FBXW12: variants seen among roughly 807,000 people sequenced by gnomAD.
FBXW12 encodes F-box and WD repeat domain containing 12, also known as F-box/WD repeat-containing protein 12.
In FBXW12, 43 loss-of-function variants were observed where a neutral mutation model predicts 55.3. The observed-to-expected ratio is 0.78, with a 90% CI of 0.61 to 1.00. FBXW12 has a LOEUF of 1.00. Ranked by LOEUF, FBXW12 falls within the 50% of genes least tolerant of loss-of-function variation. The probability of loss-of-function intolerance (pLI) is 0.00; values close to 1 mark genes in which losing one functional copy is unlikely to be tolerated. For synonymous variants in FBXW12, 184 were observed against 203.8 expected (o/e 0.90, Z 0.83); for missense variants, 524 against 560.5 (o/e 0.93, Z 0.66).
chr3:48,375,697 C>CT (rs1195999111), intron 5 of FBXW12, among the ~76,000 whole-genome samples: 7 of 152,170 alleles, frequency 4.6e-5, no homozygotes, highest in African/African-American at 1.7e-4. Context: ...TTTTTTGAGA[C>CT]TGAGTCTCGC....
chr3:48,382,003 A>G lies in FBXW12; in HGVS notation c.1213A>G (p.Met405Val), dbSNP rs754706192. The G allele has an allele frequency of 3.1e-6, 5 of 1,614,064 alleles. No homozygotes were observed. The highest frequency in any genetic ancestry group is 1.1e-5 in the South Asian group (1 of 91,086). Residue 405 changes from methionine (M) to valine (V), a missense_variant, in exon 10 of 11, where the codon ATG (methionine) becomes GTG (valine). Coordinates refer to ENST00000296438, the MANE Select transcript of FBXW12 (RefSeq NM_207102.2). ...TTSENSVHVY[M>V]WEEGGRHPYL... ...ATCCGAGAACTCTGTGCACGTGTAC[A>G]TGTGGGAAGAAGGAGGCCGCCATCC... is the stretch of plus-strand genomic sequence containing the variant.
intron 10 of FBXW12, among the ~76,000 whole-genome samples, chr3:48,393,377 G>C (rs2036959133): frequency 6.6e-6 from 1 of 152,186 alleles, no homozygotes; most frequent in African/African-American, 2.4e-5. Context: ...GGGCCTGGTG[G>C]GGAGGGGGAG....
intron 10 of FBXW12, among the ~76,000 whole-genome samples, chr3:48,386,044 G>A (rs967713219): frequency 4.6e-5 from 7 of 151,932 alleles, no homozygotes; most frequent in African/African-American, 1.7e-4. Context: ...TGCTTTTGTT[G>A]CCTGTGCATT....
intron 5 of FBXW12, 36 bp downstream of exon 5, chr3:48,375,508 A>G (rs761117303): frequency 1.7e-6 from 2 of 1,210,526 alleles, no homozygotes; most frequent in Non-Finnish European, 1.2e-6. Context: ...AGTACTGCAT[A>G]TTTGCATCCA....
chr3:48,387,382 G>A (rs1178884974), intron 10 of FBXW12, among the ~76,000 whole-genome samples: 3 of 150,334 alleles, frequency 2.0e-5, no homozygotes, highest in African/African-American at 7.3e-5. Flanking sequence ...TTTTTGGTCA[G>A]CCTTACTAGA....
In FBXW12 at chr3:48,379,484, AT is replaced by A; in HGVS notation, c.702del (p.Ile234MetfsTer33). On this transcript the variant is annotated frameshift_variant, in exon 7 of 11. Coordinates refer to ENST00000296438, the MANE Select transcript of FBXW12 (RefSeq NM_207102.2). LOFTEE classifies it high-confidence loss of function. ...VSKVTAFQYG[I>X]VLLHCSPDKK... Reference sequence around the variant, plus strand: ...TAAAGTTACTGCATTTCAATATGGTATTGTACTTCTACACTGCTCTCCTGAC... The same window carrying A: ...TAAAGTTACTGCATTTCAATATGGTATGTACTTCTACACTGCTCTCCTGAC... 6.2e-7 allele frequency: 1 copy of A among 1,613,926 alleles called. No homozygotes were observed. The highest frequency in any genetic ancestry group is 1.1e-5 in the South Asian group (1 of 91,088).
chr3:48,390,796 A>T (rs1575364508), intron 10 of FBXW12, among the ~76,000 whole-genome samples: 1 of 151,938 alleles, frequency 6.6e-6, no homozygotes, highest in Non-Finnish European at 1.5e-5. Context: ...TAGGTAACTT[A>T]TTTTGTGGGG....
chr3:48,390,406 C>CTTT lies in FBXW12; in HGVS notation c.1296-4130_1296-4128dup, dbSNP rs71625870. Among the ~76,000 whole-genome samples, 46 of 57,946 alleles carry CTTT rather than the reference C, an allele frequency of 7.9e-4. 3 individuals are homozygous for CTTT. Among genetic ancestry groups the CTTT allele is most frequent in the African/African-American group, 2.7e-3 (36 of 13,198 alleles). 38.0% of individuals were successfully genotyped at this position (57,946 alleles called of 152,430 possible). A position where few individuals can be genotyped will look rare whatever the true frequency, so the allele number is the denominator to read the frequency against. ...TTTTTAATGTCACCTAGGATTTCCT[C>CTTT]TTTTTTTTTTTTTTTTTTTTTTTTT... On this transcript the variant is annotated intron_variant, in intron 10 of 10. Transcript: ENST00000296438.
chr3:48,380,133 TA>T lies in FBXW12; in HGVS notation c.775-554del, dbSNP rs530803807. On this transcript the variant is annotated intron_variant, in intron 7 of 10. Transcript: ENST00000296438. Reference sequence around the variant, plus strand: ...GGCAACATGGCGAGACCCTACCTCTTAAAAAAAAAAAAAAATTTTTTTTTTT... The same window carrying T: ...GGCAACATGGCGAGACCCTACCTCTTAAAAAAAAAAAAAATTTTTTTTTTT... The T allele has an allele frequency of 1.8e-3, 262 of 141,712 alleles. 2 individuals carry two copies. Among genetic ancestry groups the T allele is most frequent in the Non-Finnish European group, 2.6e-3 (168 of 65,344 alleles). 8.8% of individuals were successfully genotyped at this position (141,712 alleles called of 1,614,324 possible).
intron 10 of FBXW12, among the ~76,000 whole-genome samples, chr3:48,391,419 C>T (rs1234693511): frequency 6.6e-6 from 1 of 150,866 alleles, no homozygotes; most frequent in African/African-American, 2.4e-5. Flanking sequence ...ACTTCTTTTC[C>T]TATTTGGATG....
At chr3:48,387,276 T>C (rs2036859659) in intron 10 of FBXW12, among the ~76,000 whole-genome samples, 1 of 151,432 alleles carries the variant, frequency 6.6e-6, no homozygotes, top group South Asian at 2.1e-4. Flanking sequence ...TTAATCTTCT[T>C]AATGCCTGTA....
Position 48,372,267 on chromosome 3 carries a change from A to G in FBXW12, c.-138A>G. On this transcript the variant is annotated 5_prime_UTR_variant, in exon 1 of 11. Transcript: ENST00000296438. ...TAAATGCGAGAAGGTAGAAACCCAG[A>G]GGCCATGCTGGCGCTGAGAGATGAG... is the stretch of plus-strand genomic sequence containing the variant. The G allele has an allele frequency of 6.4e-7, 1 of 1,552,056 alleles. No homozygotes were observed. Among genetic ancestry groups the G allele is most frequent in the East Asian group, 2.4e-5 (1 of 40,920 alleles).
At chr3:48,387,835 G>A (rs2036869028) in intron 10 of FBXW12, among the ~76,000 whole-genome samples, 1 of 152,140 alleles carries the variant, frequency 6.6e-6, no homozygotes, top group African/African-American at 2.4e-5. Flanking sequence ...AAAGTTCTGG[G>A]ATTACAGGCA....
intron 7 of FBXW12, 36 bp downstream of exon 7, chr3:48,379,594 G>C: frequency 6.3e-7 from 1 of 1,596,060 alleles, no homozygotes; most frequent in Non-Finnish European, 8.6e-7. Flanking sequence ...TTTCAGGATA[G>C]GAATGTCAAG....
chr3:48,380,594 G>C, intron 7 of FBXW12, 108 bp from the exon 8 acceptor site: 1 of 796,460 alleles, frequency 1.3e-6, no homozygotes, highest in Non-Finnish European at 2.2e-6. Context: ...ATTGAACAAA[G>C]CTTTGGCCAC....
intron 4 of FBXW12, among the ~76,000 whole-genome samples, chr3:48,374,116 C>G (rs2036644952): frequency 6.6e-6 from 1 of 152,062 alleles, no homozygotes; most frequent in Non-Finnish European, 1.5e-5. Context: ...CCCACGAGTT[C>G]AAGACCAGCC....
chr3:48,380,827 G>A lies in FBXW12; in HGVS notation c.900G>A (p.Met300Ile). 6.2e-7 allele frequency: 1 copy of A among 1,614,158 alleles called. No individual in the cohort carries two copies. The highest frequency in any genetic ancestry group is 2.2e-5 in the East Asian group (1 of 44,880). The change falls in exon 8 of 11, where the codon ATG becomes ATA. Residue 300 changes from methionine (M) to isoleucine (I), a missense_variant. By Grantham distance (10) the Met-to-Ile change is conservative. Coordinates refer to ENST00000296438, the MANE Select transcript of FBXW12 (RefSeq NM_207102.2). ...AGGTGAAAAACAGGATAACACTGAT[G>A]TCCCAAAGTAGCACTGGAAAAAAGA... is the stretch of plus-strand genomic sequence containing the variant. ...TPKVKNRITL[M>I]SQSSTGKKTE...
In FBXW12 at chr3:48,381,816, A is replaced by G. The variant is rs1232842037; in HGVS notation, c.1102A>G (p.Ile368Val). The change falls in exon 9 of 11, where the codon ATC becomes GTC. Residue 368 changes from isoleucine (I) to valine (V), a missense_variant. Coordinates refer to ENST00000296438, the MANE Select transcript of FBXW12 (RefSeq NM_207102.2). ...TGGACCATACTTGTTACTCTTCAGC[A>G]TCACTGGCTTCCTGCTGCAACGATT... is the stretch of plus-strand genomic sequence containing the variant. ...TSGPYLLLFS[I>V]TGFLLQRFED... is the part of the protein sequence containing the mutation. The G allele has an allele frequency of 7.4e-6, 12 of 1,610,828 alleles. No individual in the cohort carries two copies. The highest frequency in any genetic ancestry group is 1.0e-5 in the Non-Finnish European group (12 of 1,177,722).
At chr3:48,390,874 C>T (rs1293947057) in intron 10 of FBXW12, among the ~76,000 whole-genome samples, 1 of 151,986 alleles carries the variant, frequency 6.6e-6, no homozygotes, top group Non-Finnish European at 1.5e-5. Flanking sequence ...TATGGAAATG[C>T]CACTGATTTT....
Sources: allele counts gnomAD v4.1 joint callset (sites outside exome capture counted in the v4.1 genomes callset), GRCh38; gene constraint gnomAD v4.1.1; transcripts MANE v1.5; gene names NCBI Gene and HGNC (gene_info 2026-07-23, HGNC 2026-07-21).